The following RAB27B variants were observed in gnomAD, a reference collection of about 807,000 sequenced individuals.
The protein encoded by RAB27B is RAB27B, member RAS oncogene family.
A neutral mutation model predicts 24.6 loss-of-function variants in RAB27B; 15 were observed. The ratio of observed to expected loss-of-function variants is 0.61; its 90% CI spans 0.41 to 0.94. The LOEUF is 0.94. RAB27B is among the 40% of genes least tolerant of loss of function. The pLI is 0.00. For synonymous variants in RAB27B, 105 were observed against 92.5 expected (o/e 1.14, Z -0.78); for missense variants, 261 against 266.8 (o/e 0.98, Z 0.15).
At chr18:54,837,901 A>G (rs777165501) in intron 1 of RAB27B, among the ~76,000 whole-genome samples, 2 of 151,998 alleles carry the variant, frequency 1.3e-5, no homozygotes, top group African/African-American at 2.4e-5. Flanking sequence ...TTCATGCATA[A>G]TTCTTTTCAC....
At chr18:54,797,835 T>A (rs1041473846) in intron 2 of RAB27B, among the ~76,000 whole-genome samples, 2 of 152,210 alleles carry the variant, frequency 1.3e-5, no homozygotes, top group African/African-American at 4.8e-5. Context: ...ATAATGGTAT[T>A]TCTGAATGGA....
At chr18:54,719,981 T>G (rs1909308064) in intron 2 of RAB27B, among the ~76,000 whole-genome samples, 1 of 152,064 alleles carries the variant, frequency 6.6e-6, no homozygotes, top group Non-Finnish European at 1.5e-5. Context: ...TCAATGATGA[T>G]AGGGGAAAAA....
At chr18:54,771,323 CAG>C (rs1310803743) in intron 2 of RAB27B, among the ~76,000 whole-genome samples, 1 of 152,072 alleles carries the variant, frequency 6.6e-6, no homozygotes, top group Admixed American at 6.6e-5. Flanking sequence ...GAGTTTGTAA[CAG>C]AACTTGTGTG....
chr18:54,749,578 G>T (rs1001929262), intron 2 of RAB27B, among the ~76,000 whole-genome samples: 2 of 152,134 alleles, frequency 1.3e-5, no homozygotes, highest in African/African-American at 4.8e-5. Flanking sequence ...ATCAGAGATT[G>T]CAGAGGAGTT....
intron 2 of RAB27B, among the ~76,000 whole-genome samples, chr18:54,749,156 A>G (rs1907745263): frequency 6.6e-6 from 1 of 152,134 alleles, no homozygotes; most frequent in Non-Finnish European, 1.5e-5. Flanking sequence ...TTTCTAGGGA[A>G]GGGGCCTTAA....
chr18:54,756,797 G>A (rs1392716586), intron 2 of RAB27B, among the ~76,000 whole-genome samples: 1 of 152,182 alleles, frequency 6.6e-6, no homozygotes, highest in Non-Finnish European at 1.5e-5. Context: ...ACTAAGGTCA[G>A]TTGAGAAACT....
At chr18:54,844,029 G>C (rs922270361) in intron 1 of RAB27B, among the ~76,000 whole-genome samples, 1 of 152,166 alleles carries the variant, frequency 6.6e-6, no homozygotes, top group African/African-American at 2.4e-5. Context: ...AGGAGGAGAA[G>C]GGTGTCATAT....
chr18:54,733,092 C>G (rs1479278060), intron 2 of RAB27B, among the ~76,000 whole-genome samples: 2 of 152,102 alleles, frequency 1.3e-5, no homozygotes, highest in Non-Finnish European at 2.9e-5. Flanking sequence ...GTTACCCAGG[C>G]TGGAGTGTGG....
chr18:54,881,185 T>G (rs893050970), intron 3 of RAB27B, among the ~76,000 whole-genome samples: 4 of 152,152 alleles, frequency 2.6e-5, no homozygotes, highest in Admixed American at 2.6e-4. Context: ...AAGCCAATAC[T>G]ATGACACTGG....
At chr18:54,753,290 TTGAG>T (rs1215826093) in intron 2 of RAB27B, among the ~76,000 whole-genome samples, 1 of 152,150 alleles carries the variant, frequency 6.6e-6, no homozygotes, top group East Asian at 1.9e-4. Context: ...AGAGGTGAGG[TTGAG>T]TGAGAAACCA....
Position 54,892,271 on chromosome 18 carries a change from T to C in RAB27B, c.*2858T>C, listed in dbSNP as rs1913398341. ...CACTGGTTTGATGTTTACATTGCTC[T>C]AACTCGGTGCCTCAGATACCTCTGT... On this transcript the variant is annotated 3_prime_UTR_variant, in exon 6 of 6. Transcript: ENST00000262094. 1 of 152,108 alleles carries C rather than the reference T, an allele frequency of 6.6e-6. No individual in the cohort carries two copies. The highest frequency in any genetic ancestry group is 1.5e-5 in the Non-Finnish European group (1 of 67,978). The allele number at this position is 152,108 out of a possible 1,614,324, so 9.4% of individuals were successfully genotyped here.
chr18:54,796,600 G>C (rs149373661), intron 2 of RAB27B, among the ~76,000 whole-genome samples: 96 of 152,278 alleles, frequency 6.3e-4, no homozygotes, highest in African/African-American at 2.1e-3. Context: ...GTGTCATTCT[G>C]CCATCACTGG....
At chr18:54,876,352 C>T (rs953443283) in intron 1 of RAB27B, among the ~76,000 whole-genome samples, 1 of 152,000 alleles carries the variant, frequency 6.6e-6, no homozygotes, top group African/African-American at 2.4e-5. Context: ...ATAGAATAGG[C>T]TGTTGTTGAA....
chr18:54,733,672 A>C (rs1909800772), intron 2 of RAB27B, among the ~76,000 whole-genome samples: 1 of 115,198 alleles, frequency 8.7e-6, no homozygotes, highest in African/African-American at 3.1e-5. Context: ...CAAATTTGCT[A>C]AGCTCCTTGG....
intron 2 of RAB27B, among the ~76,000 whole-genome samples, chr18:54,768,362 A>G (rs1015805442): frequency 6.6e-6 from 1 of 152,184 alleles, no homozygotes; most frequent in Non-Finnish European, 1.5e-5. Flanking sequence ...TTGAATGGCA[A>G]ACAAATTTTA....
intron 2 of RAB27B, among the ~76,000 whole-genome samples, chr18:54,750,837 G>C (rs1321845604): frequency 6.6e-6 from 1 of 152,184 alleles, no homozygotes; most frequent in Non-Finnish European, 1.5e-5. Flanking sequence ...TTTTCTGGAA[G>C]AGAATGTAAC....
intron 2 of RAB27B, among the ~76,000 whole-genome samples, chr18:54,742,064 A>G (rs978825784): frequency 2.6e-5 from 4 of 152,242 alleles, no homozygotes; most frequent in Non-Finnish European, 5.9e-5. Context: ...GCAGCTTTTC[A>G]TAGAGGAGTG....
At chr18:54,832,255 A>C (rs182683629) in intron 1 of RAB27B, among the ~76,000 whole-genome samples, 1 of 152,218 alleles carries the variant, frequency 6.6e-6, no homozygotes, top group South Asian at 2.1e-4. Context: ...ACTTGAAGGC[A>C]GAGCTGACAG....
rs1053300238 is a variant in RAB27B, at chr18:54,794,786, C to G, written c.-20+76645C>G. The stretch of plus-strand genomic sequence containing the variant: ...GAGCAGTTTAGTTTCTGGGCTCCCC[C>G]CAACCCCCAATGTGTTTGTGTCCCT... On this transcript the variant is annotated intron_variant, in intron 2 of 4. Coordinates refer to the RAB27B transcript ENST00000586570. 6.6e-5 allele frequency among the ~76,000 whole-genome samples: 10 copies of G among 152,182 alleles called. 1 individual carries two copies. The highest frequency in any genetic ancestry group is 1.3e-4 in the Non-Finnish European group (9 of 68,024).
Sources: gnomAD v4.1 joint callset for allele counts (sites outside exome capture counted in the v4.1 genomes callset) on GRCh38, gnomAD v4.1.1 for gene constraint, MANE v1.5 for transcripts, NCBI Gene and HGNC (gene_info 2026-07-23, HGNC 2026-07-21) for gene names.